Variants in ATP11C observed in about 807,000 individuals in gnomAD.
ATP11C encodes the protein phospholipid-transporting ATPase IG.
In ATP11C, 36 loss-of-function variants were observed where a neutral mutation model predicts 97.4. That is an observed-to-expected ratio of 0.37 (90% confidence interval 0.28 to 0.49). The LOEUF is 0.49. Among genes scored for constraint, ATP11C ranks in the 20% least tolerant of loss-of-function variants. ATP11C has a pLI of 0.98. For synonymous variants in ATP11C, 275 were observed against 290.9 expected, an observed-to-expected ratio of 0.95 and a Z score of 0.56; for missense variants, 730 against 824.6, an observed-to-expected ratio of 0.89 and a Z score of 1.40.
At chrX:139,823,195 G>A (rs2083452304) in intron 2 of ATP11C, among the ~76,000 whole-genome samples, 2 of 111,449 alleles carry the variant, frequency 1.8e-5, no homozygotes, top group South Asian at 7.7e-4. Flanking sequence ...CTGGGCGACA[G>A]AGACTCTTGT....
At chrX:139,846,624 G>A (rs755087758) in intron 1 of ATP11C, among the ~76,000 whole-genome samples, 3 of 111,442 alleles carry the variant, frequency 2.7e-5, no homozygotes, top group South Asian at 7.5e-4. Context: ...ATGAAGAAAC[G>A]CTTTCGTTCA....
At chrX:139,876,302 A>G (rs2084470768) in intron 1 of ATP11C, among the ~76,000 whole-genome samples, 2 of 112,375 alleles carry the variant, frequency 1.8e-5, no homozygotes, top group African/African-American at 6.5e-5. Context: ...ATTATTATAT[A>G]ACTGATCCTA....
In ATP11C at chrX:139,796,264, T is replaced by A; in HGVS notation, c.1206+9A>T. 1 of 1,124,564 alleles carries A rather than the reference T, an allele frequency of 8.9e-7. No homozygotes were observed. The highest frequency in any genetic ancestry group is 1.2e-6 in the Non-Finnish European group (1 of 846,740). The allele number at this position is 1,124,564 out of a possible 1,213,427, so 92.7% of individuals were successfully genotyped here. A position where few individuals can be genotyped will look rare whatever the true frequency, so the allele number is the denominator to read the frequency against. On this transcript the variant is annotated intron_variant, in intron 12 of 29. Transcript: ENST00000682941. ...TGACAAATTATTTTAAGTAAAACAA[T>A]GCTCTAACCTGACCAAGTTCTTCAT...
intron 1 of ATP11C, among the ~76,000 whole-genome samples, chrX:139,897,511 A>G (rs1456333255): frequency 9.2e-6 from 1 of 108,420 alleles, no homozygotes; most frequent in Non-Finnish European, 1.9e-5. Context: ...TCTCTACTCA[A>G]ATTACAAAAA....
intron 2 of ATP11C, among the ~76,000 whole-genome samples, chrX:139,823,101 T>C (rs1162914891): frequency 9.0e-6 from 1 of 110,592 alleles, no homozygotes. Context: ...TCCCAGCTAC[T>C]TGGGAGGCTG....
At chrX:139,785,656 A>ACAGTGCTAG (rs1361665173) in intron 15 of ATP11C, among the ~76,000 whole-genome samples, 2 of 111,992 alleles carry the variant, frequency 1.8e-5, no homozygotes, top group African/African-American at 6.5e-5. Flanking sequence ...AGTGCCAGGC[A>ACAGTGCTAG]CAGTGCTAGG....
At chrX:139,820,687 G>A (rs2083390344) in intron 2 of ATP11C, among the ~76,000 whole-genome samples, 1 of 110,151 alleles carries the variant, frequency 9.1e-6, no homozygotes, top group African/African-American at 3.3e-5. Flanking sequence ...CACACGGCCA[G>A]AACTCTTAGG....
rs969286097 is a variant in ATP11C at position 139,727,325 on chromosome X, T to C, written c.*1641A>G. ...TAGGCAAAGAATATAGAGACTTTTG[T>C]TTTCAGCAGCTTACCTCAAATACGG... is the stretch of plus-strand genomic sequence containing the variant. On this transcript the variant is annotated 3_prime_UTR_variant, in exon 30 of 30. Coordinates refer to ENST00000682941, the MANE Select transcript of ATP11C (RefSeq NM_001353812.2). 2 of 112,080 alleles carry C rather than the reference T, an allele frequency of 1.8e-5. No individual in the cohort carries two copies. The highest frequency in any genetic ancestry group is 9.5e-5 in the Admixed American group (1 of 10,507). The allele number at this position is 112,080 out of a possible 1,213,427, so 9.2% of individuals were successfully genotyped here.
At chrX:139,823,524 G>T (rs1209018894) in intron 2 of ATP11C, among the ~76,000 whole-genome samples, 1 of 112,105 alleles carries the variant, frequency 8.9e-6, no homozygotes, top group African/African-American at 3.2e-5. Flanking sequence ...TGTTACCCAA[G>T]ATTTCCAATT....
chrX:139,731,377 T>C (rs957736932), intron 29 of ATP11C, among the ~76,000 whole-genome samples: 1 of 112,318 alleles, frequency 8.9e-6, no homozygotes, highest in Non-Finnish European at 1.9e-5. Flanking sequence ...CCATGACAAC[T>C]TGCCCCTTAC....
rs147885643 is a variant in ATP11C, at chrX:139,879,694, C to T, written c.27+52322G>A. Among the ~76,000 whole-genome samples the T allele has an allele frequency of 9.8e-5, 11 of 111,828 alleles. No homozygotes were observed. In the East Asian group the frequency reaches 3.1e-3, roughly 31 times the overall value. ...TTGCACTGCACACTTTCAATTTATA[C>T]AATCTTTGTCAATTAAATATTTTAA... is the stretch of plus-strand genomic sequence containing the variant. On this transcript the variant is annotated intron_variant, in intron 1 of 29. Transcript: ENST00000682941.
chrX:139,874,039 A>C (rs1416746866), intron 1 of ATP11C, among the ~76,000 whole-genome samples: 1 of 99,631 alleles, frequency 1.0e-5, no homozygotes, highest in Non-Finnish European at 1.9e-5. Context: ...TATAGAAAAC[A>C]ACCAGGTTTT....
intron 23 of ATP11C, among the ~76,000 whole-genome samples, chrX:139,756,813 T>C (rs1219448231): frequency 9.1e-6 from 1 of 109,612 alleles, no homozygotes; most frequent in Non-Finnish European, 1.9e-5. Flanking sequence ...CACTGGAGTC[T>C]ACTTCAGGGT....
At chrX:139,833,344 G>T (rs1263370692) in intron 1 of ATP11C, among the ~76,000 whole-genome samples, 1 of 111,772 alleles carries the variant, frequency 8.9e-6, no homozygotes, top group Non-Finnish European at 1.9e-5. Flanking sequence ...TAAAAAGCAA[G>T]TTTCCATTGT....
chrX:139,794,841 T>C (rs2082761875), intron 12 of ATP11C, among the ~76,000 whole-genome samples: 1 of 111,851 alleles, frequency 8.9e-6, no homozygotes, highest in African/African-American at 3.3e-5. Flanking sequence ...TTTGTAATAG[T>C]AGTTGAGGCT....
intron 1 of ATP11C, among the ~76,000 whole-genome samples, chrX:139,908,344 A>T (rs1449559746): frequency 8.9e-6 from 1 of 111,990 alleles, no homozygotes; most frequent in African/African-American, 3.2e-5. Flanking sequence ...ATGTTACCCT[A>T]TCAAAACATA....
chrX:139,881,328 A>T (rs1480573345), intron 1 of ATP11C, among the ~76,000 whole-genome samples: 1 of 111,570 alleles, frequency 9.0e-6, no homozygotes, highest in Non-Finnish European at 1.9e-5. Context: ...TGCCTCATAC[A>T]TGGTTCAACC....
intron 1 of ATP11C, among the ~76,000 whole-genome samples, chrX:139,907,304 C>T (rs1444303156): frequency 3.6e-5 from 4 of 111,485 alleles, no homozygotes; most frequent in East Asian, 2.8e-4. Context: ...ATGGCATGTG[C>T]GCAAAAGTAA....
chrX:139,852,132 A>C (rs192896900), intron 1 of ATP11C, among the ~76,000 whole-genome samples: 1,217 of 106,327 alleles, frequency 0.011, 12 homozygotes, highest in Non-Finnish European at 0.017. Context: ...GTTATCATGC[A>C]AAAAAAAAGA....
Sources: allele counts gnomAD v4.1 joint callset (sites outside exome capture counted in the v4.1 genomes callset), GRCh38; gene constraint gnomAD v4.1.1; transcripts MANE v1.5; gene names NCBI Gene and HGNC (gene_info 2026-07-23, HGNC 2026-07-21).